GRHL2: variants seen among roughly 807,000 people sequenced by gnomAD.
GRHL2 encodes the protein grainyhead-like protein 2 homolog.
A neutral mutation model predicts 83.8 loss-of-function variants in GRHL2; 21 were observed. The ratio of observed to expected loss-of-function variants is 0.25; its 90% CI spans 0.18 to 0.36. The LOEUF (loss-of-function observed/expected upper bound fraction) is 0.36, where lower values mean the gene tolerates loss of function less well. Among genes scored for constraint, GRHL2 ranks in the 10% least tolerant of loss-of-function variants. The pLI, the probability that GRHL2 is intolerant of heterozygous loss-of-function variation, is 1.00. For missense variants in GRHL2, 623 were observed against 781.8 expected (o/e 0.80, Z 2.42); for synonymous variants, 280 against 278.9 (o/e 1.00, Z -0.04).
intron 4 of GRHL2, 105 bp from the exon 5 acceptor site, chr8:101,570,232 CTT>C: frequency 3.1e-6 from 3 of 963,926 alleles, no homozygotes; most frequent in Admixed American, 1.8e-5. Context: ...AAATACATAA[CTT>C]TATTTTCTAA....
chr8:101,513,392 A>G (rs1810502496), intron 1 of GRHL2, among the ~76,000 whole-genome samples: 1 of 152,098 alleles, frequency 6.6e-6, no homozygotes, highest in Admixed American at 6.6e-5. Context: ...GAGACATGGT[A>G]AACACTCAGT....
chr8:101,586,089 T>TTTTTTTTTTTTG (rs1289272635), intron 7 of GRHL2, among the ~76,000 whole-genome samples: 4 of 136,716 alleles, frequency 2.9e-5, no homozygotes, highest in Admixed American at 7.6e-5. Flanking sequence ...TTTTTTTTTT[T>TTTTTTTTTTTTG]TGAGACGGAG....
At chr8:101,579,136 T>A (rs1811991134) in intron 7 of GRHL2, among the ~76,000 whole-genome samples, 1 of 152,220 alleles carries the variant, frequency 6.6e-6, no homozygotes, top group South Asian at 2.1e-4. Context: ...TTGGGGATAC[T>A]TGCCTTAACC....
chr8:101,629,721 G>T (rs1471619684), intron 9 of GRHL2, among the ~76,000 whole-genome samples: 2 of 151,858 alleles, frequency 1.3e-5, no homozygotes, highest in African/African-American at 4.8e-5. Context: ...GCCTTACATG[G>T]ACCCAAGAAA....
downstream of GRHL2, among the ~76,000 whole-genome samples, chr8:101,672,970 G>C (rs1320168341): frequency 1.3e-5 from 2 of 151,258 alleles, no homozygotes; most frequent in African/African-American, 4.9e-5. Flanking sequence ...ATAAGTGAAG[G>C]AGAAATAAAA....
chr8:101,504,757 C>T (rs1205059523), intron 1 of GRHL2, among the ~76,000 whole-genome samples: 1 of 151,806 alleles, frequency 6.6e-6, no homozygotes, highest in African/African-American at 2.4e-5. Context: ...GTGCATAGAT[C>T]ATGCCAGACC....
intron 14 of GRHL2, among the ~76,000 whole-genome samples, chr8:101,662,063 C>G (rs1330869373): frequency 6.6e-6 from 1 of 152,186 alleles, no homozygotes; most frequent in Non-Finnish European, 1.5e-5. Flanking sequence ...TTCATTTGCT[C>G]AACTTCAAAA....
At chr8:101,509,209 T>TTGTGTGTGTGTG (rs59898617) in intron 1 of GRHL2, among the ~76,000 whole-genome samples, 1,526 of 53,484 alleles carry the variant, frequency 0.029, 50 homozygotes, top group African/African-American at 0.051. Context: ...TTCTTTCTTC[T>TTGTGTGTGTGTG]TGTGTGTGTG....
At chr8:101,497,060 C>A (rs1312946114) in intron 1 of GRHL2, among the ~76,000 whole-genome samples, 1 of 152,204 alleles carries the variant, frequency 6.6e-6, no homozygotes, top group African/African-American at 2.4e-5. Context: ...GATGAACCTT[C>A]AGTCTTGTTT....
intron 9 of GRHL2, among the ~76,000 whole-genome samples, chr8:101,629,436 G>A (rs1172976353): frequency 1.3e-5 from 2 of 151,888 alleles, no homozygotes; most frequent in Non-Finnish European, 2.9e-5. Context: ...AAAAAAGTGC[G>A]GCTCTTTTTA....
rs1228510789 is a variant in GRHL2, at chr8:101,543,278, G to A, written c.58G>A (p.Asp20Asn). ...AGTGGCCTTAGTGCCCATGCCCAGTGACCCTCCATTCAATACCCGAAGAGC... is the reference window on the plus strand; with the variant it reads ...AGTGGCCTTAGTGCCCATGCCCAGTAACCCTCCATTCAATACCCGAAGAGC... ...RLVALVPMPSDPPFNTRRAYT... is the reference protein window; with the variant it reads ...RLVALVPMPSNPPFNTRRAYT... The change falls in exon 2 of 16, where the codon GAC becomes AAC. Residue 20 changes from aspartate to asparagine, a missense_variant. By Grantham distance (23) the Asp-to-Asn change is conservative. Transcript: ENST00000646743. 2 of 1,614,036 alleles carry A rather than the reference G, an allele frequency of 1.2e-6. No individual in the cohort carries two copies. The highest frequency in any genetic ancestry group is 2.2e-5 in the East Asian group (1 of 44,866).
At chr8:101,564,829 A>AAC (rs1811683957) in intron 4 of GRHL2, among the ~76,000 whole-genome samples, 2 of 149,794 alleles carry the variant, frequency 1.3e-5, no homozygotes, top group African/African-American at 2.5e-5. Flanking sequence ...AAAAAAAAAA[A>AAC]ACCACTTTAA....
intron 1 of GRHL2, among the ~76,000 whole-genome samples, chr8:101,532,924 ACTT>A (rs1246656569): frequency 1.3e-5 from 2 of 152,150 alleles, no homozygotes; most frequent in African/African-American, 4.8e-5. Context: ...ATGTTTCATT[ACTT>A]CTTCTTAAGG....
chr8:101,659,902 C>A (rs1044751035), intron 14 of GRHL2, among the ~76,000 whole-genome samples: 2 of 152,196 alleles, frequency 1.3e-5, no homozygotes, highest in South Asian at 2.1e-4. Flanking sequence ...CTCAAGGAGT[C>A]GCTAAAGGAA....
intron 2 of GRHL2, among the ~76,000 whole-genome samples, chr8:101,547,608 C>T (rs1811292796): frequency 6.6e-6 from 1 of 152,212 alleles, no homozygotes; most frequent in Admixed American, 6.5e-5. Flanking sequence ...TCAGGTTTTA[C>T]ATTTTATAGT....
At chr8:101,540,703 C>A (rs1811134962) in intron 1 of GRHL2, among the ~76,000 whole-genome samples, 1 of 152,214 alleles carries the variant, frequency 6.6e-6, no homozygotes, top group African/African-American at 2.4e-5. Context: ...GAGTTCACGC[C>A]AGTTCTCCAT....
At chr8:101,618,098 T>C (rs1812891074) in intron 8 of GRHL2, among the ~76,000 whole-genome samples, 2 of 152,276 alleles carry the variant, frequency 1.3e-5, no homozygotes, top group South Asian at 4.1e-4. Flanking sequence ...TGCCTGGATC[T>C]CCCCAGAAAC....
intron 8 of GRHL2, among the ~76,000 whole-genome samples, chr8:101,616,391 G>A (rs543504903): frequency 2.6e-5 from 4 of 152,052 alleles, no homozygotes; most frequent in East Asian, 1.9e-4. Context: ...GGCTGGTCTC[G>A]AACTCCTGAC....
At chr8:101,526,157 T>C (rs540234338) in intron 1 of GRHL2, among the ~76,000 whole-genome samples, 20 of 152,328 alleles carry the variant, frequency 1.3e-4, no homozygotes, top group South Asian at 4.1e-4. Flanking sequence ...ACACTGATAG[T>C]TGGAAAAGGA....
Sources: allele counts gnomAD v4.1 joint callset (sites outside exome capture counted in the v4.1 genomes callset), GRCh38; gene constraint gnomAD v4.1.1; transcripts MANE v1.5; gene names NCBI Gene and HGNC (gene_info 2026-07-23, HGNC 2026-07-21).